The following ASAP2 variants were observed in gnomAD, a reference collection of about 807,000 sequenced individuals.
The protein encoded by ASAP2 is arf-GAP with SH3 domain, ANK repeat and PH domain-containing protein 2.
ASAP2 carries 45 observed loss-of-function variants against 131.4 expected under a neutral mutation model. That is an observed-to-expected ratio of 0.34 (90% confidence interval 0.27 to 0.44). The LOEUF (loss-of-function observed/expected upper bound fraction) is 0.44, where lower values mean the gene tolerates loss of function less well. Among genes scored for constraint, ASAP2 ranks in the 20% least tolerant of loss-of-function variants. The pLI, the probability that ASAP2 is intolerant of heterozygous loss-of-function variation, is 1.00. For synonymous variants in ASAP2, 510 were observed against 503.0 expected (o/e 1.01, Z -0.19); for missense variants, 1,011 against 1,297.0 (o/e 0.78, Z 3.39).
intron 23 of ASAP2, among the ~76,000 whole-genome samples, chr2:9,391,529 A>G (rs11692260): frequency 0.052 from 7,857 of 150,446 alleles, 517 homozygotes; most frequent in African/African-American, 0.14. Flanking sequence ...TATTTTGGGG[A>G]CAGTCACTTG....
intron 9 of ASAP2, among the ~76,000 whole-genome samples, chr2:9,335,612 T>G (rs919956014): frequency 3.9e-5 from 6 of 152,198 alleles, no homozygotes; most frequent in African/African-American, 2.4e-5. Context: ...TTGTGTTCTA[T>G]AAAATATGAG....
In ASAP2 at chr2:9,227,350, C is replaced by T. The variant is rs117123457; in HGVS notation, c.126+20120C>T. On this transcript the variant is annotated intron_variant, in intron 1 of 27. Transcript: ENST00000281419. The stretch of plus-strand genomic sequence containing the variant: ...TGTTGTGCTGACCCTCCCTCAGTGT[C>T]GTTCAGCAGTGAGCCTCCTCTAAAG... Among the ~76,000 whole-genome samples the T allele has an allele frequency of 2.8e-3, 420 of 152,290 alleles. 2 individuals carry two copies. The highest frequency in any genetic ancestry group is 4.9e-3 in the Non-Finnish European group (336 of 68,024).
chr2:9,328,928 C>T (rs1239216202), intron 7 of ASAP2, among the ~76,000 whole-genome samples: 1 of 152,150 alleles, frequency 6.6e-6, no homozygotes, highest in Non-Finnish European at 1.5e-5. Flanking sequence ...ATACAGGGAC[C>T]TGATTTAGAT....
At chr2:9,251,313 C>G (rs1664690096) in intron 1 of ASAP2, among the ~76,000 whole-genome samples, 1 of 152,076 alleles carries the variant, frequency 6.6e-6, no homozygotes, top group Non-Finnish European at 1.5e-5. Context: ...GACTTCGTCC[C>G]ACTCCTTCCC....
chr2:9,332,303 C>G (rs1572474395), intron 7 of ASAP2, among the ~76,000 whole-genome samples: 1 of 152,012 alleles, frequency 6.6e-6, no homozygotes, highest in African/African-American at 2.4e-5. Flanking sequence ...GAATAGTGTT[C>G]CTTTTCTTGA....
intron 11 of ASAP2, among the ~76,000 whole-genome samples, chr2:9,346,530 T>G (rs1671978542): frequency 6.6e-6 from 1 of 152,116 alleles, no homozygotes; most frequent in Non-Finnish European, 1.5e-5. Context: ...TATCACTGTC[T>G]TTAATATTAG....
intron 1 of ASAP2, among the ~76,000 whole-genome samples, chr2:9,271,821 G>A (rs980850185): frequency 1.3e-5 from 2 of 151,722 alleles, no homozygotes; most frequent in Non-Finnish European, 2.9e-5. Context: ...TTGTCTTTCT[G>A]TACGTGGCTT....
chr2:9,318,294 A>C (rs956673005), intron 3 of ASAP2, among the ~76,000 whole-genome samples: 2 of 152,214 alleles, frequency 1.3e-5, no homozygotes, highest in Admixed American at 1.3e-4. Flanking sequence ...ACAATATAAG[A>C]TTGTTACTGT....
At chr2:9,379,231 C>T (rs987032982) in intron 19 of ASAP2, among the ~76,000 whole-genome samples, 172 bp downstream of exon 19, 5 of 152,228 alleles carry the variant, frequency 3.3e-5, no homozygotes, top group Non-Finnish European at 5.9e-5. Flanking sequence ...GCCTGTTCCA[C>T]GAGGCCGCAT....
intron 26 of ASAP2, 128 bp from the exon 27 acceptor site, chr2:9,401,146 G>C: frequency 7.7e-6 from 9 of 1,173,422 alleles, no homozygotes; most frequent in Non-Finnish European, 1.1e-5. Flanking sequence ...GCCCCACCTT[G>C]GCATCTGCAG....
intron 7 of ASAP2, among the ~76,000 whole-genome samples, chr2:9,332,116 C>G (rs942049202): frequency 6.6e-6 from 1 of 151,954 alleles, no homozygotes; most frequent in Non-Finnish European, 1.5e-5. Flanking sequence ...AGAAATACAC[C>G]CCTTCTAGCC....
At position 9,339,991 on chromosome 2, in the gene ASAP2, A is replaced by G. The variant is rs138160232; in HGVS notation, c.850-4541A>G. On this transcript the variant is annotated intron_variant, in intron 9 of 27. Coordinates refer to ENST00000281419, the MANE Select transcript of ASAP2 (RefSeq NM_003887.3). ...GCCAACGATCCTTACAAGCCACTTT[A>G]CAGGGTAGGCAATGTTTGCCCATGT... Among the ~76,000 whole-genome samples the G allele has an allele frequency of 2.6e-5, 4 of 152,240 alleles. No individual in the cohort carries two copies. The East Asian group carries it at 7.7e-4, about 29-fold the overall frequency.
chr2:9,317,793 A>G (rs1443432726), intron 3 of ASAP2, among the ~76,000 whole-genome samples: 2 of 145,284 alleles, frequency 1.4e-5, no homozygotes, highest in Non-Finnish European at 3.1e-5. Flanking sequence ...CCCATACACA[A>G]TCGCATTCAC....
At chr2:9,367,892 A>ACCCAGAAGTATAGGTATCAT (rs1479709285) in intron 15 of ASAP2, among the ~76,000 whole-genome samples, 1 of 152,224 alleles carries the variant, frequency 6.6e-6, no homozygotes, top group South Asian at 2.1e-4. Context: ...AATTTTATCA[A>ACCCAGAAGTATAGGTATCAT]CCCAGAAGTA....
chr2:9,234,524 G>T (rs191187623), intron 1 of ASAP2, among the ~76,000 whole-genome samples: 425 of 152,302 alleles, frequency 2.8e-3, no homozygotes, highest in Middle Eastern at 0.014. Context: ...TCCTGCTGGG[G>T]CAGCTGGGAC....
Position 9,389,181 on chromosome 2 carries a change from T to C in ASAP2, c.2383+635T>C, listed in dbSNP as rs574070662. Among the ~76,000 whole-genome samples the C allele has an allele frequency of 8.7e-4, 133 of 152,362 alleles. 1 individual carries two copies. The highest frequency in any genetic ancestry group is 2.1e-4 in the South Asian group (1 of 4,824). The stretch of plus-strand genomic sequence containing the variant: ...AAGCTCTCAGAAGTTAAGTAATTTG[T>C]TCATTCCTGAAGAGCAGCTGGCTAC... On this transcript the variant is annotated intron_variant, in intron 22 of 27. Transcript: ENST00000281419. This position sits in a 1 kb window ranked among gnomAD's most constrained non-coding sequence, Gnocchi z 4.7.
intron 1 of ASAP2, among the ~76,000 whole-genome samples, chr2:9,254,042 C>A (rs1489509623): frequency 6.7e-6 from 1 of 150,370 alleles, no homozygotes; most frequent in African/African-American, 2.5e-5. Context: ...CCCGTCTCTA[C>A]TAAAAATACA....
chr2:9,355,909 T>A, intron 12 of ASAP2, 138 bp from the exon 13 acceptor site: 1 of 1,014,476 alleles, frequency 9.9e-7, no homozygotes, highest in Non-Finnish European at 1.5e-6. Context: ...TATGAGGGAG[T>A]GCCTGATTTT....
intron 1 of ASAP2, among the ~76,000 whole-genome samples, chr2:9,233,742 T>G (rs1309235484): frequency 2.0e-5 from 3 of 152,202 alleles, no homozygotes; most frequent in Non-Finnish European, 4.4e-5. Flanking sequence ...CAGTAAGTGC[T>G]TAACACATGT....
Sources: gnomAD v4.1 joint callset for allele counts (sites outside exome capture counted in the v4.1 genomes callset) on GRCh38, gnomAD v4.1.1 for gene constraint, Gnocchi (gnomAD v3.1) non-coding constraint, MANE v1.5 for transcripts, NCBI Gene and HGNC (gene_info 2026-07-23, HGNC 2026-07-21) for gene names.